ITCH: variants seen among roughly 807,000 people sequenced by gnomAD.
The protein encoded by ITCH is E3 ubiquitin-protein ligase Itchy homolog.
In ITCH, 28 loss-of-function variants were observed where a neutral mutation model predicts 126.8. The ratio of observed to expected loss-of-function variants is 0.22; its 90% CI spans 0.16 to 0.30. The LOEUF (loss-of-function observed/expected upper bound fraction) is 0.30. Among genes scored for constraint, ITCH ranks in the 10% least tolerant of loss-of-function variants. The probability of loss-of-function intolerance (pLI) is 1.00; values close to 1 mark genes in which losing one functional copy is unlikely to be tolerated. For synonymous variants in ITCH, 342 were observed against 340.0 expected, an observed-to-expected ratio of 1.01 and a Z score of -0.06; for missense variants, 631 against 1,032.4, an observed-to-expected ratio of 0.61 and a Z score of 5.33.
intron 2 of ITCH, among the ~76,000 whole-genome samples, chr20:34,383,746 T>G (rs946279976): frequency 6.6e-6 from 1 of 151,556 alleles, no homozygotes. Context: ...CAGGTTGGTC[T>G]CGGAACTCCT....
chr20:34,381,776 A>G (rs1041626333), intron 2 of ITCH, among the ~76,000 whole-genome samples: 1 of 150,984 alleles, frequency 6.6e-6, no homozygotes, highest in African/African-American at 2.4e-5. Context: ...AGGCAGTAGG[A>G]TCCCTTGAGC....
chr20:34,397,773 T>A (rs2038727595), intron 3 of ITCH, among the ~76,000 whole-genome samples: 1 of 152,076 alleles, frequency 6.6e-6, no homozygotes. Flanking sequence ...AGTAGCTGAC[T>A]TATATCAGAC....
chr20:34,425,344 T>C (rs938724337), intron 7 of ITCH, among the ~76,000 whole-genome samples: 4 of 151,936 alleles, frequency 2.6e-5, no homozygotes, highest in African/African-American at 7.3e-5. Flanking sequence ...GTCCAAGGTT[T>C]CCCCCCACTG....
At chr20:34,383,351 G>A (rs1199331607) in intron 2 of ITCH, among the ~76,000 whole-genome samples, 1 of 146,496 alleles carries the variant, frequency 6.8e-6, no homozygotes, top group Non-Finnish European at 1.5e-5. Flanking sequence ...TGCCAGTCTT[G>A]GGCTTGATAG....
chr20:34,450,305 T>A (rs1985037625), intron 12 of ITCH, among the ~76,000 whole-genome samples: 1 of 152,178 alleles, frequency 6.6e-6, no homozygotes, highest in Non-Finnish European at 1.5e-5. Flanking sequence ...AAAAGCTTTT[T>A]AAAAAATTGT....
chr20:34,503,884 GGT>G (rs1569012954), intron 23 of ITCH, among the ~76,000 whole-genome samples: 2 of 96,812 alleles, frequency 2.1e-5, no homozygotes, highest in Non-Finnish European at 4.1e-5. Context: ...TTTTTTTTTT[GGT>G]TTTTTTTTTT....
chr20:34,386,381 G>A (rs1200738263), intron 2 of ITCH, among the ~76,000 whole-genome samples: 1 of 152,130 alleles, frequency 6.6e-6, no homozygotes, highest in East Asian at 1.9e-4. Flanking sequence ...CTTGAGTAGT[G>A]TTTTTGGGAA....
chr20:34,414,189 A>G (rs1196942569), intron 6 of ITCH, among the ~76,000 whole-genome samples: 1 of 151,730 alleles, frequency 6.6e-6, no homozygotes, highest in Non-Finnish European at 1.5e-5. Flanking sequence ...TAAAAAATAG[A>G]CATTGATCAC....
In ITCH at chr20:34,417,339, C is replaced by T. The variant is rs186789944; in HGVS notation, c.475+3460C>T. 2,710 of 341,568 alleles carry T rather than the reference C, an allele frequency of 7.9e-3. 204 individuals are homozygous for T. The Admixed American group carries it at 0.11, about 14-fold the overall frequency. The allele number at this position is 341,568 out of a possible 1,614,324, so 21.2% of individuals were successfully genotyped here. A position where few individuals can be genotyped will look rare whatever the true frequency, so the allele number is the denominator to read the frequency against. On this transcript the variant is annotated intron_variant, in intron 6 of 24. Coordinates refer to ENST00000374864, the MANE Select transcript of ITCH (RefSeq NM_031483.7). ...TTTGAACTCCCGACCTCAGGTGATC[C>T]GCCTGCCTCGACCTCCCAAAGTTGC...
chr20:34,436,899 G>C (rs1397281952), intron 7 of ITCH, among the ~76,000 whole-genome samples: 1 of 152,156 alleles, frequency 6.6e-6, no homozygotes, highest in Non-Finnish European at 1.5e-5. Context: ...GGCCAAGGAG[G>C]GAGGATTGCT....
intron 14 of ITCH, among the ~76,000 whole-genome samples, chr20:34,467,142 A>T (rs1011038439): frequency 6.6e-6 from 1 of 152,230 alleles, no homozygotes; most frequent in Non-Finnish European, 1.5e-5. Context: ...GATCAAATGG[A>T]CAAATTCTTT....
Position 34,476,194 on chromosome 20 carries a change from A to G in ITCH, c.1570-1578A>G, listed in dbSNP as rs938803808. ...GCCATCAATATCTGGATTATTTTCA[A>G]CCACAACGTCTAGCAGAGAATCACC... On this transcript the variant is annotated intron_variant, in intron 16 of 24. Transcript: ENST00000374864. 8 of 802,028 alleles carry G rather than the reference A, an allele frequency of 1.0e-5. No homozygotes were observed. The Admixed American group carries it at 1.0e-4, about 10-fold the overall frequency. The allele number at this position is 802,028 out of a possible 1,614,324, so 49.7% of individuals were successfully genotyped here.
chr20:34,366,540 T>C (rs1461232351), intron 1 of ITCH, among the ~76,000 whole-genome samples: 1 of 152,056 alleles, frequency 6.6e-6, no homozygotes, highest in Non-Finnish European at 1.5e-5. Context: ...ATTTTAAGTA[T>C]AATGCTAAAA....
At position 34,454,770 on chromosome 20, in the gene ITCH, A is replaced by G. The variant is rs541024141; in HGVS notation, c.1211-2620A>G. On this transcript the variant is annotated intron_variant, in intron 12 of 24. Coordinates refer to ENST00000374864, the MANE Select transcript of ITCH (RefSeq NM_031483.7). ...CCTAAAACTGATCCAGATGATCTCAAGTGTTAATTTGAAAAATAGTTACCA... is the reference window on the plus strand; with the variant it reads ...CCTAAAACTGATCCAGATGATCTCAGGTGTTAATTTGAAAAATAGTTACCA... 5.3e-5 allele frequency among the ~76,000 whole-genome samples: 8 copies of G among 150,978 alleles called. No homozygotes were observed. In the East Asian group the frequency reaches 1.6e-3, roughly 29 times the overall value.
At chr20:34,365,538 C>T (rs6142147) in intron 1 of ITCH, among the ~76,000 whole-genome samples, 1 of 151,944 alleles carries the variant, frequency 6.6e-6, no homozygotes, top group Non-Finnish European at 1.5e-5. Context: ...CCTCAGCCTC[C>T]GTAGTAGCTG....
intron 2 of ITCH, among the ~76,000 whole-genome samples, chr20:34,392,716 A>C (rs1023975751): frequency 6.6e-6 from 1 of 152,010 alleles, no homozygotes; most frequent in Admixed American, 6.6e-5. Context: ...ATTGTATCTT[A>C]TTTCTTCTTT....
rs1427163740 is a variant in ITCH at position 34,477,879 on chromosome 20, C to T, written c.1658+19C>T. ...TAGCAAGGTAGTGATAATATGAATA[C>T]TCAGAACTTAGTTCCTTTCCTCCAA... On this transcript the variant is annotated intron_variant, in intron 17 of 24. Coordinates refer to ENST00000374864, the MANE Select transcript of ITCH (RefSeq NM_031483.7). 2.5e-6 allele frequency: 4 copies of T among 1,612,848 alleles called. No homozygotes were observed. In the South Asian group the frequency reaches 4.4e-5, roughly 18 times the overall value.
At chr20:34,439,904 CAG>C (rs1983509371) in intron 8 of ITCH, among the ~76,000 whole-genome samples, 2 of 152,134 alleles carry the variant, frequency 1.3e-5, no homozygotes, top group South Asian at 4.1e-4. Flanking sequence ...ATCAGAAGAT[CAG>C]AGAACCTGTA....
chr20:34,384,279 C>CTTTTTTTTT (rs35124886), intron 2 of ITCH: 1 of 103,808 alleles, frequency 9.6e-6, no homozygotes. Context: ...GCCTGTAATT[C>CTTTTTTTTT]TTTTTTTTTT....
Sources: gnomAD v4.1 joint callset for allele counts (sites outside exome capture counted in the v4.1 genomes callset) on GRCh38, gnomAD v4.1.1 for gene constraint, MANE v1.5 for transcripts, NCBI Gene and HGNC (gene_info 2026-07-23, HGNC 2026-07-21) for gene names.